USP15: variants seen among roughly 807,000 people sequenced by gnomAD.
USP15 encodes ubiquitin specific peptidase 15.
A neutral mutation model predicts 127.1 loss-of-function variants in USP15; 18 were observed. The ratio of observed to expected loss-of-function variants is 0.14; its 90% confidence interval spans 0.10 to 0.21. The LOEUF (loss-of-function observed/expected upper bound fraction) is 0.21, where lower values mean the gene tolerates loss of function less well. Among genes scored for constraint, USP15 ranks in the 10% least tolerant of loss-of-function variants. USP15 has a pLI of 1.00. For synonymous variants in USP15, 364 were observed against 393.7 expected (o/e 0.92, Z 0.89); for missense variants, 805 against 1,159.9 (o/e 0.69, Z 4.44).
chr12:62,304,631 T>A (rs1484177500), intron 3 of USP15: 1 of 429,966 alleles, frequency 2.3e-6, no homozygotes, highest in African/African-American at 2.1e-5. Context: ...AAGTTAAACA[T>A]CTTCCTGTAC....
intron 3 of USP15, among the ~76,000 whole-genome samples, chr12:62,309,506 A>G (rs2064592843): frequency 6.6e-6 from 1 of 152,046 alleles, no homozygotes; most frequent in Non-Finnish European, 1.5e-5. Flanking sequence ...CCATAAACCA[A>G]TACCACACAG....
chr12:62,371,250 T>G (rs563011441), intron 8 of USP15, among the ~76,000 whole-genome samples: 1 of 152,342 alleles, frequency 6.6e-6, no homozygotes, highest in South Asian at 2.1e-4. Flanking sequence ...TTCAAAACTC[T>G]TTGTATATAC....
At chr12:62,270,067 C>T (rs1005117150) in intron 1 of USP15, among the ~76,000 whole-genome samples, 1 of 151,922 alleles carries the variant, frequency 6.6e-6, no homozygotes, top group Non-Finnish European at 1.5e-5. Flanking sequence ...ATATAGCCAT[C>T]TTAGTGGATA....
chr12:62,392,547 T>C (rs944839742), intron 18 of USP15, among the ~76,000 whole-genome samples, 160 bp downstream of exon 18: 1 of 152,264 alleles, frequency 6.6e-6, no homozygotes, highest in African/African-American at 2.4e-5. Flanking sequence ...GGGATGGGAA[T>C]GTCTTAAAAA....
At chr12:62,278,644 C>G (rs1237545168) in intron 1 of USP15, 3 of 152,130 alleles carry the variant, frequency 2.0e-5, no homozygotes, top group Admixed American at 6.6e-5. Flanking sequence ...CAGTGCATGA[C>G]TGTATACAGA....
chr12:62,272,311 TA>T (rs909114911), intron 1 of USP15, among the ~76,000 whole-genome samples: 1 of 151,956 alleles, frequency 6.6e-6, no homozygotes, highest in African/African-American at 2.4e-5. Context: ...TGTATTTTTT[TA>T]CTTATAAAAG....
chr12:62,370,077 C>T (rs1468545717), intron 8 of USP15, among the ~76,000 whole-genome samples: 1 of 152,092 alleles, frequency 6.6e-6, no homozygotes, highest in African/African-American at 2.4e-5. Flanking sequence ...CGGGTTCAAG[C>T]GATTCTCCTG....
rs367805052 is a variant in USP15, at chr12:62,309,779, A to G, written c.349-5011A>G. 2.6e-5 allele frequency among the ~76,000 whole-genome samples: 4 copies of G among 151,986 alleles called. No homozygotes were observed. The East Asian group carries it at 7.7e-4, about 29-fold the overall frequency. Reference sequence around the variant, plus strand: ...ATTCATAATTTTAGCAGACTAAAGGAGAAAAATAATCTCAATAGAGATACA... The same window carrying G: ...ATTCATAATTTTAGCAGACTAAAGGGGAAAAATAATCTCAATAGAGATACA... On this transcript the variant is annotated intron_variant, in intron 3 of 21. Transcript: ENST00000280377.
chr12:62,303,698 T>G (rs2064391610), intron 3 of USP15: 1 of 152,114 alleles, frequency 6.6e-6, no homozygotes, highest in Non-Finnish European at 1.5e-5. Flanking sequence ...ATATTTGAAT[T>G]TATTTGGAAT....
chr12:62,349,275 A>T lies in USP15; in HGVS notation c.738A>T (p.Leu246=). The change falls in exon 7 of 22, where the codon CTA becomes CTT. Residue 246 remains leucine (L), a synonymous_variant. Transcript: ENST00000280377. ...STLPKISPSS[L]SNNYNNMNNR... is the part of the protein sequence containing the mutation. ...TACCAAAGATCTCTCCTTCATCTCT[A>T]TCAAATAATTATAACAACATGAACA... The T allele has an allele frequency of 6.6e-7, 1 of 1,504,126 alleles. No homozygotes were observed. Among genetic ancestry groups the T allele is most frequent in the Non-Finnish European group, 8.8e-7 (1 of 1,130,522 alleles). 93.2% of individuals were successfully genotyped at this position (1,504,126 alleles called of 1,614,324 possible).
At chr12:62,397,599 C>T (rs2067533735) in intron 20 of USP15, among the ~76,000 whole-genome samples, 3 of 151,434 alleles carry the variant, frequency 2.0e-5, no homozygotes, top group African/African-American at 7.3e-5. Flanking sequence ...TGGCTCACGC[C>T]TGTGATCCCA....
At chr12:62,388,865 C>G (rs565551366) in intron 11 of USP15, among the ~76,000 whole-genome samples, 1 of 152,172 alleles carries the variant, frequency 6.6e-6, no homozygotes, top group African/African-American at 2.4e-5. Flanking sequence ...TGCAGTGGCT[C>G]AGTCCTGTAA....
intron 11 of USP15, 73 bp from the exon 12 acceptor site, chr12:62,389,358 C>A: frequency 2.4e-6 from 3 of 1,247,742 alleles, no homozygotes; most frequent in South Asian, 2.8e-5. Flanking sequence ...AGATAGCAAC[C>A]ATGAGGTCAC....
intron 1 of USP15, among the ~76,000 whole-genome samples, chr12:62,290,744 G>GT (rs2137137472): frequency 6.6e-6 from 1 of 152,266 alleles, no homozygotes; most frequent in Non-Finnish European, 1.5e-5. Context: ...ATGATGGCAA[G>GT]TATTGACCCT....
chr12:62,388,281 C>T (rs1295820283), intron 11 of USP15, among the ~76,000 whole-genome samples: 1 of 151,948 alleles, frequency 6.6e-6, no homozygotes, highest in East Asian at 1.9e-4. Context: ...TACAGGTGTG[C>T]GCCTCCGAGC....
chr12:62,335,378 AG>A, intron 6 of USP15: 1 of 1,421,690 alleles, frequency 7.0e-7, no homozygotes, highest in South Asian at 1.6e-5. Context: ...ATCACTCAAC[AG>A]TAATGTCTGC....
rs549780729 is a variant in USP15 at position 62,391,466 on chromosome 12, A to G, written c.2233+37A>G. ...TGAAAAATGGCTTGAACATTAAACAAGCCGAGCATGTTATTTTTTTTTTAG... is the reference window on the plus strand; with the variant it reads ...TGAAAAATGGCTTGAACATTAAACAGGCCGAGCATGTTATTTTTTTTTTAG... On this transcript the variant is annotated intron_variant, in intron 16 of 21. Transcript: ENST00000280377. 151 of 1,574,032 alleles carry G rather than the reference A, an allele frequency of 9.6e-5. No individual in the cohort carries two copies. In the East Asian group the frequency reaches 3.2e-3, roughly 33 times the overall value.
In USP15 at chr12:62,406,975, A is replaced by G. The variant is rs1334268664; in HGVS notation, c.*2600A>G. On this transcript the variant is annotated 3_prime_UTR_variant, in exon 22 of 22. Coordinates refer to ENST00000280377, the MANE Select transcript of USP15 (RefSeq NM_001252078.2). The stretch of plus-strand genomic sequence containing the variant: ...GCAAGACTCTGTCTCAAAAAAAAAA[A>G]AGATATTCATAGGTAATACAGGGTA... The G allele has an allele frequency of 6.6e-6, 1 of 152,150 alleles. No homozygotes were observed. Among genetic ancestry groups the G allele is most frequent in the African/African-American group, 2.4e-5 (1 of 41,420 alleles). The allele number at this position is 152,150 out of a possible 1,614,324, so 9.4% of individuals were successfully genotyped here. A position where few individuals can be genotyped will look rare whatever the true frequency, so the allele number is the denominator to read the frequency against.
At chr12:62,310,386 T>A (rs1470650295) in intron 3 of USP15, among the ~76,000 whole-genome samples, 2 of 151,842 alleles carry the variant, frequency 1.3e-5, no homozygotes, top group African/African-American at 4.8e-5. Flanking sequence ...CCCTGCTCCC[T>A]TCCTTATCCT....
Sources: gnomAD v4.1 joint callset for allele counts (sites outside exome capture counted in the v4.1 genomes callset) on GRCh38, gnomAD v4.1.1 for gene constraint, MANE v1.5 for transcripts, NCBI Gene and HGNC (gene_info 2026-07-23, HGNC 2026-07-21) for gene names.